Variants in TXLNB observed in about 807,000 individuals in gnomAD.
The protein encoded by TXLNB is taxilin beta.
Under a neutral mutation model 57.4 loss-of-function variants are expected in TXLNB, and 37 were observed. The observed-to-expected ratio is 0.64, with a 90% CI of 0.50 to 0.85. TXLNB has a LOEUF of 0.85. TXLNB is among the 40% of genes least tolerant of loss of function. TXLNB has a pLI of 0.00. For synonymous variants in TXLNB, 302 were observed against 309.6 expected (o/e 0.98, Z 0.26); for missense variants, 848 against 825.6 (o/e 1.03, Z -0.33).
chr6:139,210,687 G>A, the TXLNB span, among the ~76,000 whole-genome samples: 6 of 152,236 alleles, frequency 3.9e-5, no homozygotes, highest in African/African-American at 1.2e-4. Context: ...GCGAGGCATC[G>A]CCTCACCCGG....
At chr6:139,287,658 T>C (rs1451416446) in intron 2 of TXLNB, among the ~76,000 whole-genome samples, 3 of 152,142 alleles carry the variant, frequency 2.0e-5, no homozygotes, top group Non-Finnish European at 4.4e-5. Flanking sequence ...AAGTATCACA[T>C]AGGAGGGAGT....
At chr6:139,322,704 A>G in the TXLNB span, among the ~76,000 whole-genome samples, 1 of 152,168 alleles carries the variant, frequency 6.6e-6, no homozygotes, top group Non-Finnish European at 1.5e-5. Context: ...TATCTTAGTA[A>G]CAACTGCCTT....
At chr6:139,306,418 C>T in the TXLNB span, among the ~76,000 whole-genome samples, 181 of 152,310 alleles carry the variant, frequency 1.2e-3, 2 homozygotes, top group Middle Eastern at 3.4e-3. Context: ...CAGCCCTTGA[C>T]ATTCTCTGTG....
the TXLNB span, chr6:139,177,298 C>G: frequency 2.2e-6 from 1 of 463,504 alleles, no homozygotes; most frequent in East Asian, 3.2e-5. The surrounding 1 kb of genome is among the most constrained non-coding windows in gnomAD (Gnocchi z 4.9). Flanking sequence ...TGGTTTTGAC[C>G]AGAGCCCAGA....
chr6:139,311,540 G>A, the TXLNB span, among the ~76,000 whole-genome samples: 2 of 151,942 alleles, frequency 1.3e-5, no homozygotes, highest in African/African-American at 4.8e-5. Flanking sequence ...TGAATTTAGA[G>A]TCTGCTGTTG....
chr6:139,314,114 G>A, the TXLNB span, among the ~76,000 whole-genome samples: 1 of 152,184 alleles, frequency 6.6e-6, no homozygotes, highest in African/African-American at 2.4e-5. Flanking sequence ...AGATTGCTTA[G>A]ACATATTTTG....
At chr6:139,204,237 T>C in the TXLNB span, among the ~76,000 whole-genome samples, 16 of 152,260 alleles carry the variant, frequency 1.1e-4, no homozygotes, top group East Asian at 2.9e-3. Flanking sequence ...TTGCATTTTT[T>C]AGTAGAGATG....
the TXLNB span, among the ~76,000 whole-genome samples, chr6:139,217,075 G>A: frequency 1.5e-3 from 234 of 152,264 alleles, no homozygotes; most frequent in Middle Eastern, 0.01. Context: ...CCTTAGAACC[G>A]TGCAGGTATT....
At chr6:139,314,838 C>T in the TXLNB span, among the ~76,000 whole-genome samples, 42 of 152,280 alleles carry the variant, frequency 2.8e-4, no homozygotes, top group Non-Finnish European at 2.5e-4. Context: ...GGGCGTAGGG[C>T]GAACTAACTT....
intron 7 of TXLNB, among the ~76,000 whole-genome samples, chr6:139,249,204 AGT>A (rs1174806893): frequency 6.6e-6 from 1 of 152,196 alleles, no homozygotes; most frequent in Non-Finnish European, 1.5e-5. Context: ...AGGGAAGGAG[AGT>A]GTGTAAATAC....
the TXLNB span, among the ~76,000 whole-genome samples, chr6:139,216,405 C>A: frequency 1.4e-5 from 2 of 142,750 alleles, no homozygotes; most frequent in East Asian, 4.1e-4. Flanking sequence ...TGTTCTCACT[C>A]ATAGGTGGGA....
At chr6:139,199,220 CTAAAT>C in the TXLNB span, among the ~76,000 whole-genome samples, 1 of 151,808 alleles carries the variant, frequency 6.6e-6, no homozygotes, top group African/African-American at 2.4e-5. Context: ...TTTTTGCAAA[CTAAAT>C]TATTTTTTAA....
the TXLNB span, among the ~76,000 whole-genome samples, chr6:139,209,413 A>G: frequency 6.6e-6 from 1 of 152,190 alleles, no homozygotes; most frequent in Non-Finnish European, 1.5e-5. Context: ...TCAAAATACT[A>G]TCATCCTACT....
chr6:139,229,624 G>T, the TXLNB span, among the ~76,000 whole-genome samples: 1 of 152,108 alleles, frequency 6.6e-6, no homozygotes, highest in African/African-American at 2.4e-5. Context: ...TGCCTGGCCT[G>T]TTTATTTTTA....
chr6:139,233,327 TAA>T, the TXLNB span, among the ~76,000 whole-genome samples: 10 of 148,502 alleles, frequency 6.7e-5, no homozygotes, highest in Non-Finnish European at 1.3e-4. Context: ...ATTATTTTTA[TAA>T]GAGACTGCCT....
the TXLNB span, among the ~76,000 whole-genome samples, chr6:139,170,737 T>C: frequency 6.6e-6 from 1 of 152,130 alleles, no homozygotes; most frequent in East Asian, 1.9e-4. Context: ...TAAAGAACTT[T>C]GCTATATATT....
At chr6:139,262,442 G>T in intron 5 of TXLNB, 137 bp downstream of exon 5, 1 of 645,294 alleles carries the variant, frequency 1.5e-6, no homozygotes, top group Non-Finnish European at 2.4e-6. Flanking sequence ...CTTCATTTTG[G>T]CTCGTCAAGG....
chr6:139,277,947 A>G (rs771048833), intron 2 of TXLNB, among the ~76,000 whole-genome samples: 1 of 152,182 alleles, frequency 6.6e-6, no homozygotes, highest in Non-Finnish European at 1.5e-5. Context: ...GGAGAGGCAT[A>G]TATGTCATGA....
intron 3 of TXLNB, among the ~76,000 whole-genome samples, chr6:139,273,850 A>G (rs1305385551): frequency 1.3e-5 from 2 of 152,230 alleles, no homozygotes; most frequent in Admixed American, 1.3e-4. Flanking sequence ...TTCAGCCAAT[A>G]TTCAAGTGAT....
Sources: gnomAD v4.1 joint callset for allele counts (sites outside exome capture counted in the v4.1 genomes callset) on GRCh38, gnomAD v4.1.1 for gene constraint, Gnocchi (gnomAD v3.1) non-coding constraint, MANE v1.5 for transcripts, NCBI Gene and HGNC (gene_info 2026-07-23, HGNC 2026-07-21) for gene names.